BMAL2: variants seen among roughly 807,000 people sequenced by gnomAD.
BMAL2 encodes the protein basic helix-loop-helix ARNT like 2.
At chr12:27,340,442 C>G in the BMAL2 span, among the ~76,000 whole-genome samples, 1 of 152,160 alleles carries the variant, frequency 6.6e-6, no homozygotes, top group African/African-American at 2.4e-5. Flanking sequence ...TCTGAGCTCT[C>G]TATTCTGTTC....
the BMAL2 span, among the ~76,000 whole-genome samples, chr12:27,364,601 C>T: frequency 3.3e-5 from 5 of 152,182 alleles, no homozygotes; most frequent in Non-Finnish European, 7.4e-5. Flanking sequence ...TAGGACCAGT[C>T]TTCCCACCTT....
At chr12:27,413,418 C>T in the BMAL2 span, among the ~76,000 whole-genome samples, 3 of 152,126 alleles carry the variant, frequency 2.0e-5, no homozygotes, top group African/African-American at 7.2e-5. Flanking sequence ...TTTTTATGTG[C>T]AGCTGAAGTT....
chr12:27,344,808 T>A, the BMAL2 span, among the ~76,000 whole-genome samples: 1 of 152,254 alleles, frequency 6.6e-6, no homozygotes. Context: ...GAGCCTTGGT[T>A]TTCTCACATG....
At chr12:27,333,064 G>A in the BMAL2 span, 1 of 1,202,800 alleles carries the variant, frequency 8.3e-7, no homozygotes, top group Non-Finnish European at 1.0e-6. Context: ...CGACCAAGTG[G>A]CTCCTGCGAT....
chr12:27,387,160 G>T, the BMAL2 span: 1 of 973,596 alleles, frequency 1.0e-6, no homozygotes, highest in African/African-American at 1.6e-5. Context: ...CTGAATGTGT[G>T]TGTGTGTGTG....
At chr12:27,403,610 A>G in the BMAL2 span, 7 of 934,230 alleles carry the variant, frequency 7.5e-6, no homozygotes, top group Non-Finnish European at 9.7e-6. Context: ...ATATACAAAA[A>G]TCAGTAGCCT....
At chr12:27,333,180 C>T in the BMAL2 span, 1 of 1,187,446 alleles carries the variant, frequency 8.4e-7, no homozygotes, top group Non-Finnish European at 1.0e-6. Context: ...CCCCGCGACG[C>T]CAGGTCTGCC....
At chr12:27,346,900 G>A in the BMAL2 span, among the ~76,000 whole-genome samples, 1 of 152,104 alleles carries the variant, frequency 6.6e-6, no homozygotes, top group South Asian at 2.1e-4. Flanking sequence ...GAGGGTAAAC[G>A]AGTTCTCACT....
the BMAL2 span, among the ~76,000 whole-genome samples, chr12:27,367,336 G>A: frequency 0.13 from 19,222 of 152,070 alleles, 1,399 homozygotes; most frequent in Non-Finnish European, 0.17. Flanking sequence ...ACTCAGAACC[G>A]TGTGCAGTTG....
the BMAL2 span, among the ~76,000 whole-genome samples, chr12:27,372,847 G>A: frequency 1.3e-5 from 2 of 151,860 alleles, no homozygotes; most frequent in African/African-American, 2.4e-5. Flanking sequence ...CTAATTTTTT[G>A]TATTATTAGT....
chr12:27,392,978 T>G, the BMAL2 span, among the ~76,000 whole-genome samples: 1 of 152,156 alleles, frequency 6.6e-6, no homozygotes, highest in Non-Finnish European at 1.5e-5. Flanking sequence ...CTTGCAACTC[T>G]ACAGGCTTCA....
chr12:27,367,834 A>G, the BMAL2 span, among the ~76,000 whole-genome samples: 364 of 149,036 alleles, frequency 2.4e-3, 1 homozygote, highest in African/African-American at 7.2e-3. Flanking sequence ...GTGTGTGTAT[A>G]TATATATATA....
At chr12:27,349,598 C>T in the BMAL2 span, among the ~76,000 whole-genome samples, 3 of 152,282 alleles carry the variant, frequency 2.0e-5, no homozygotes, top group East Asian at 1.9e-4. Flanking sequence ...GATGGAAAGG[C>T]ACACTAGTGT....
the BMAL2 span, among the ~76,000 whole-genome samples, chr12:27,412,733 A>T: frequency 2.0e-4 from 31 of 152,172 alleles, no homozygotes; most frequent in African/African-American, 2.6e-4. Flanking sequence ...AAACCCCCAA[A>T]TTCAGAGAAG....
chr12:27,419,721 G>A, the BMAL2 span, among the ~76,000 whole-genome samples: 1 of 152,152 alleles, frequency 6.6e-6, no homozygotes, highest in Non-Finnish European at 1.5e-5. Context: ...AACACACATA[G>A]AGCCATATAT....
At chr12:27,415,492 A>G in the BMAL2 span, among the ~76,000 whole-genome samples, 36 of 152,144 alleles carry the variant, frequency 2.4e-4, no homozygotes, top group Non-Finnish European at 3.7e-4. Flanking sequence ...AGATTCCAGA[A>G]TGTTAGTAAA....
chr12:27,398,584 T>C, the BMAL2 span, among the ~76,000 whole-genome samples: 1 of 152,148 alleles, frequency 6.6e-6, no homozygotes. Context: ...CTTAGATAGC[T>C]GATCAAATGA....
chr12:27,404,823 G>T, the BMAL2 span, among the ~76,000 whole-genome samples: 23 of 152,328 alleles, frequency 1.5e-4, no homozygotes, highest in Middle Eastern at 0.01. Flanking sequence ...CCCGGAAAGC[G>T]CAAGGGGTCA....
the BMAL2 span, among the ~76,000 whole-genome samples, chr12:27,405,220 T>G: frequency 6.6e-6 from 1 of 152,204 alleles, no homozygotes; most frequent in Non-Finnish European, 1.5e-5. Context: ...CAGACTTAAA[T>G]GTCCCTGTCT....
Sources: gnomAD v4.1 joint callset for allele counts (sites outside exome capture counted in the v4.1 genomes callset) on GRCh38, gnomAD v4.1.1 for gene constraint, MANE v1.5 for transcripts, NCBI Gene and HGNC (gene_info 2026-07-23, HGNC 2026-07-21) for gene names.